NINL: variants seen among roughly 807,000 people sequenced by gnomAD.
NINL encodes the protein ninein like.
Under a neutral mutation model 160.3 loss-of-function variants are expected in NINL, and 153 were observed. The observed-to-expected ratio is 0.95, with a 90% CI of 0.84 to 1.09. The LOEUF (loss-of-function observed/expected upper bound fraction) is 1.09. Ranked by LOEUF, NINL falls within the 50% of genes least tolerant of loss-of-function variation. The pLI is 0.00. For synonymous variants in NINL, 800 were observed against 734.8 expected (o/e 1.09, Z -1.43); for missense variants, 1,829 against 1,764.0 (o/e 1.04, Z -0.66).
At chr20:25,563,083 G>A (rs892535153) in intron 1 of NINL, among the ~76,000 whole-genome samples, 4 of 152,304 alleles carry the variant, frequency 2.6e-5, no homozygotes, top group Admixed American at 6.5e-5. Context: ...GGAGAATGGC[G>A]TGAACCTGGG....
chr20:25,453,703 C>G, intron 23 of NINL, 61 bp from the exon 24 acceptor site: 1 of 1,465,520 alleles, frequency 6.8e-7, no homozygotes, highest in South Asian at 1.3e-5. Context: ...ACAGATCAGC[C>G]TGCTCTCTTT....
intron 10 of NINL, among the ~76,000 whole-genome samples, chr20:25,494,537 G>A (rs1405718339): frequency 6.6e-6 from 1 of 152,214 alleles, no homozygotes; most frequent in Non-Finnish European, 1.5e-5. Context: ...AGAGGCACAT[G>A]TAGATCTGGA....
intron 1 of NINL, among the ~76,000 whole-genome samples, chr20:25,532,775 T>A (rs2064489167): frequency 6.6e-6 from 1 of 151,924 alleles, no homozygotes; most frequent in East Asian, 1.9e-4. Context: ...CTAACCCCTA[T>A]CCAAGACAAT....
At chr20:25,561,918 C>T (rs1353043060) in intron 1 of NINL, among the ~76,000 whole-genome samples, 1 of 151,312 alleles carries the variant, frequency 6.6e-6, no homozygotes, top group Non-Finnish European at 1.5e-5. Flanking sequence ...CAGCCCCCGC[C>T]AGGCCAGCCG....
intron 19 of NINL, among the ~76,000 whole-genome samples, chr20:25,463,040 G>A (rs534122089): frequency 6.6e-6 from 1 of 152,280 alleles, no homozygotes; most frequent in South Asian, 2.1e-4. Context: ...CTTTGCTCCT[G>A]AGGAAATGTC....
intron 16 of NINL, 54 bp downstream of exon 16, chr20:25,478,869 T>G: frequency 6.8e-7 from 1 of 1,480,234 alleles, no homozygotes; most frequent in Non-Finnish European, 8.9e-7. Context: ...ATTTCAAATT[T>G]TGGTTCTTGG....
In NINL at chr20:25,559,772, T is replaced by G. The variant is rs541101490; in HGVS notation, c.-12+25683A>C. ...CACACCACCACACCCGACTATTTTTTTTTTTCTCGTTTTTTGTAAAGATGG... is the reference window on the plus strand; with the variant it reads ...CACACCACCACACCCGACTATTTTTGTTTTTCTCGTTTTTTGTAAAGATGG... On this transcript the variant is annotated intron_variant, in intron 1 of 23. Coordinates refer to ENST00000278886, the MANE Select transcript of NINL (RefSeq NM_025176.6). Among the ~76,000 whole-genome samples, 415 of 152,064 alleles carry G rather than the reference T, an allele frequency of 2.7e-3. 3 individuals are homozygous for G. The highest frequency in any genetic ancestry group is 5.2e-3 in the Non-Finnish European group (352 of 67,974).
At position 25,482,702 on chromosome 20, in the gene NINL, G is replaced by A. The variant is rs570028984; in HGVS notation, c.1678-602C>T. 1.5e-4 allele frequency among the ~76,000 whole-genome samples: 23 copies of A among 148,984 alleles called. No homozygotes were observed. In the East Asian group the frequency reaches 4.8e-3, roughly 31 times the overall value. ...ATGGGAGGGGCTCAAAGAAAAAAGTGAGGCAGCTCCTGGGGAGAAATGTAG... is the reference window on the plus strand; with the variant it reads ...ATGGGAGGGGCTCAAAGAAAAAAGTAAGGCAGCTCCTGGGGAGAAATGTAG... On this transcript the variant is annotated intron_variant, in intron 13 of 23. Transcript: ENST00000278886.
At chr20:25,556,051 C>A (rs1031835660) in intron 1 of NINL, among the ~76,000 whole-genome samples, 19 of 151,506 alleles carry the variant, frequency 1.3e-4, no homozygotes, top group Non-Finnish European at 2.2e-4. Context: ...GAGGCCAAGG[C>A]AGGAGGATTG....
chr20:25,510,786 G>A, intron 4 of NINL, 46 bp from the exon 5 acceptor site: 1 of 1,429,256 alleles, frequency 7.0e-7, no homozygotes, highest in Non-Finnish European at 9.8e-7. Flanking sequence ...AGGGGGTGCT[G>A]CTGGGGACGG....
In NINL at chr20:25,462,471, G is replaced by A; in HGVS notation, c.3494C>T (p.Thr1165Ile). The A allele has an allele frequency of 1.2e-6, 2 of 1,614,158 alleles. No individual in the cohort carries two copies. Among genetic ancestry groups the A allele is most frequent in the Non-Finnish European group, 1.7e-6 (2 of 1,179,996 alleles). ...RVLQLGQEAS[T>I]HQAQNEEHRV... ...ATGCTCCTCGTTTTGGGCCTGGTGGGTAGAAGCCTCCTGTCCCAGTTGAAG... is the reference window on the plus strand; with the variant it reads ...ATGCTCCTCGTTTTGGGCCTGGTGGATAGAAGCCTCCTGTCCCAGTTGAAG... The change falls in exon 20 of 24, where the codon ACC becomes ATC. Residue 1165 changes from threonine to isoleucine, a missense_variant. Coordinates refer to ENST00000278886, the MANE Select transcript of NINL (RefSeq NM_025176.6).
intron 4 of NINL, among the ~76,000 whole-genome samples, chr20:25,511,276 C>G (rs2064065562): frequency 6.6e-6 from 1 of 152,174 alleles, no homozygotes; most frequent in Non-Finnish European, 1.5e-5. Flanking sequence ...TCCAAGGGCT[C>G]CGGGATAGCA....
intron 1 of NINL, among the ~76,000 whole-genome samples, chr20:25,527,486 A>C (rs956297954): frequency 6.6e-6 from 1 of 152,006 alleles, no homozygotes; most frequent in African/African-American, 2.4e-5. Flanking sequence ...GTACAAATGT[A>C]GTTTTTTTCC....
intron 19 of NINL, among the ~76,000 whole-genome samples, chr20:25,466,982 G>A (rs943922070): frequency 2.0e-5 from 3 of 152,210 alleles, no homozygotes; most frequent in East Asian, 3.9e-4. Flanking sequence ...CTGGCGTGCG[G>A]CTCCCCAGGC....
chr20:25,466,666 G>A (rs1408196501), intron 19 of NINL, among the ~76,000 whole-genome samples: 2 of 151,952 alleles, frequency 1.3e-5, no homozygotes, highest in African/African-American at 4.8e-5. Context: ...CACGCATGGT[G>A]GTACACACCT....
At position 25,556,469 on chromosome 20, in the gene NINL, A is replaced by G. The variant is rs765329598; in HGVS notation, c.-12+28986T>C. On this transcript the variant is annotated intron_variant, in intron 1 of 23. Coordinates refer to ENST00000278886, the MANE Select transcript of NINL (RefSeq NM_025176.6). ...TGAAACCCTGTCTCTAAAGAAAAAT[A>G]CAAAAATTAGCTGGGCATGGTCATG... Among the ~76,000 whole-genome samples the G allele has an allele frequency of 6.6e-5, 10 of 152,034 alleles. No homozygotes were observed. In the South Asian group the frequency reaches 1.9e-3, roughly 28 times the overall value.
chr20:25,501,014 C>A lies in NINL; in HGVS notation c.862-4G>T. ...GGCAGCCGCTCTCCTCTGGGACCTG[C>A]ATGTCAGGAAGACTTCCATAGCGCC... On this transcript the variant is annotated splice_polypyrimidine_tract_variant and splice_region_variant and intron_variant, in intron 7 of 23. Transcript: ENST00000278886. 6.2e-7 allele frequency: 1 copy of A among 1,613,268 alleles called. No homozygotes were observed. The highest frequency in any genetic ancestry group is 8.5e-7 in the Non-Finnish European group (1 of 1,179,638).
Position 25,503,227 on chromosome 20 carries a change from G to A in NINL, c.861+725C>T, listed in dbSNP as rs187797080. ...CAGCAGGTGGGCACCTGAGCAGCAC[G>A]TTCCTCACCTGAGCACTGCCTCCTG... On this transcript the variant is annotated intron_variant, in intron 7 of 23. Coordinates refer to ENST00000278886, the MANE Select transcript of NINL (RefSeq NM_025176.6). Among the ~76,000 whole-genome samples, 74 of 146,376 alleles carry A rather than the reference G, an allele frequency of 5.1e-4. 2 individuals are homozygous for A. In the South Asian group the frequency reaches 0.015, roughly 29 times the overall value.
At chr20:25,584,510 CT>C (rs1188126485) in intron 1 of NINL, among the ~76,000 whole-genome samples, 2 of 152,156 alleles carry the variant, frequency 1.3e-5, no homozygotes, top group African/African-American at 4.8e-5. Context: ...AAAAACTCTG[CT>C]TTTAAAAGTA....
Sources: gnomAD v4.1 joint callset for allele counts (sites outside exome capture counted in the v4.1 genomes callset) on GRCh38, gnomAD v4.1.1 for gene constraint, MANE v1.5 for transcripts, NCBI Gene and HGNC (gene_info 2026-07-23, HGNC 2026-07-21) for gene names.